Variants in PLEKHA8 observed in about 807,000 individuals in gnomAD.
PLEKHA8 encodes pleckstrin homology domain-containing family A member 8.
Under a neutral mutation model 68.2 loss-of-function variants are expected in PLEKHA8, and 36 were observed. The observed-to-expected ratio is 0.53, with a 90% CI of 0.40 to 0.70. The LOEUF is 0.70. Ranked by LOEUF, PLEKHA8 falls within the 30% of genes least tolerant of loss-of-function variation. PLEKHA8 has a pLI of 0.00. For synonymous variants in PLEKHA8, 211 were observed against 216.1 expected (o/e 0.98, Z 0.20); for missense variants, 505 against 615.4 (o/e 0.82, Z 1.90).
chr7:30,061,988 T>G lies in PLEKHA8; in HGVS notation c.1190T>G (p.Val397Gly), dbSNP rs1470450436. The change falls in exon 11 of 14, where the codon GTT (valine) becomes GGT (glycine). Residue 397 changes from valine to glycine, a missense_variant. Val to Gly is a moderately radical substitution (Grantham distance 109). Coordinates refer to ENST00000449726, the MANE Select transcript of PLEKHA8 (RefSeq NM_001197026.2). The stretch of plus-strand genomic sequence containing the variant: ...GAAGTGGAGGCGGATGTAGCCCAGG[T>G]TAGGAACTCAGCGACTGAAGCCCTC... ...LHEVEADVAQ[V>G]RNSATEALLW... is the part of the protein sequence containing the mutation. 6.2e-7 allele frequency: 1 copy of G among 1,613,838 alleles called. No individual in the cohort carries two copies. The highest frequency in any genetic ancestry group is 8.5e-7 in the Non-Finnish European group (1 of 1,179,916).
At chr7:30,053,971 G>A (rs1399695070) in intron 7 of PLEKHA8, among the ~76,000 whole-genome samples, 2 of 152,066 alleles carry the variant, frequency 1.3e-5, no homozygotes, top group East Asian at 3.9e-4. Flanking sequence ...TTGAACTCAC[G>A]GTGAACAGCA....
At chr7:30,075,357 C>G (rs1355628065) in intron 13 of PLEKHA8, among the ~76,000 whole-genome samples, 1 of 152,188 alleles carries the variant, frequency 6.6e-6, no homozygotes, top group African/African-American at 2.4e-5. Context: ...ATCATAATGG[C>G]TACCATGTAG....
chr7:30,104,803 A>G (rs1419710681), intron 13 of PLEKHA8, among the ~76,000 whole-genome samples: 2 of 148,726 alleles, frequency 1.3e-5, no homozygotes, highest in Non-Finnish European at 3.0e-5. Flanking sequence ...GCTCACTGCA[A>G]TCTCCACCTC....
intron 12 of PLEKHA8, among the ~76,000 whole-genome samples, chr7:30,069,185 C>T (rs745895709): frequency 3.4e-4 from 51 of 152,182 alleles, no homozygotes; most frequent in Non-Finnish European, 6.8e-4. Flanking sequence ...TTCCCCGGTG[C>T]CTATCTGTTT....
At chr7:30,124,918 A>G (rs771006066) in intron 13 of PLEKHA8, among the ~76,000 whole-genome samples, 234 of 152,042 alleles carry the variant, frequency 1.5e-3, no homozygotes, top group Non-Finnish European at 2.2e-3. Context: ...CTCCCAAAAA[A>G]ATTAGATCTT....
Position 30,052,818 on chromosome 7 carries a change from A to T in PLEKHA8, c.748A>T (p.Ile250Leu). 1 of 1,576,438 alleles carries T rather than the reference A, an allele frequency of 6.3e-7. No individual in the cohort carries two copies. Among genetic ancestry groups the T allele is most frequent in the Non-Finnish European group, 8.6e-7 (1 of 1,168,618 alleles). Residue 250 changes from isoleucine (I) to leucine (L), a missense_variant, in exon 7 of 14, where the codon ATA becomes TTA. Ile to Leu is a conservative substitution (Grantham distance 5, BLOSUM62 2). Coordinates refer to ENST00000449726, the MANE Select transcript of PLEKHA8 (RefSeq NM_001197026.2). ...KNSLYLKSAE[I>L]DCSISSEENT... Reference sequence around the variant, plus strand: ...TTCCTTATATTTGAAATCTGCAGAGATAGACTGCAGCATATCAAGTGAGGA... The same window carrying T: ...TTCCTTATATTTGAAATCTGCAGAGTTAGACTGCAGCATATCAAGTGAGGA...
chr7:30,064,644 A>T (rs1333583311), intron 12 of PLEKHA8, among the ~76,000 whole-genome samples: 1 of 152,208 alleles, frequency 6.6e-6, no homozygotes, highest in African/African-American at 2.4e-5. Flanking sequence ...CATAATCATG[A>T]TATATGAAGT....
chr7:30,052,662 A>C, intron 6 of PLEKHA8, 47 bp from the exon 7 acceptor site: 2 of 1,410,368 alleles, frequency 1.4e-6, no homozygotes, highest in Non-Finnish European at 1.9e-6. Flanking sequence ...AAAAAAAAAG[A>C]CCAAATAACG....
At chr7:30,094,043 T>A (rs1027753618), downstream of PLEKHA8, among the ~76,000 whole-genome samples, 4 of 152,168 alleles carry the variant, frequency 2.6e-5, no homozygotes, top group African/African-American at 9.7e-5. Context: ...CTAGTTAAGT[T>A]ATGATGGAAT....
chr7:30,125,019 G>A (rs1409481709), intron 13 of PLEKHA8, among the ~76,000 whole-genome samples: 1 of 151,286 alleles, frequency 6.6e-6, no homozygotes, highest in Non-Finnish European at 1.5e-5. Context: ...TAAAATACAT[G>A]GAACATAAAA....
At chr7:30,086,981 C>T (rs1219885456), downstream of PLEKHA8, among the ~76,000 whole-genome samples, 1 of 152,210 alleles carries the variant, frequency 6.6e-6, no homozygotes, top group Non-Finnish European at 1.5e-5. Context: ...GATGGTCTGA[C>T]ATCAGCACTG....
rs747998325 is a variant in PLEKHA8, at chr7:30,080,801, G to T, written c.*2014G>T. 7 of 985,234 alleles carry T rather than the reference G, an allele frequency of 7.1e-6. No individual in the cohort carries two copies. The highest frequency in any genetic ancestry group is 8.4e-6 in the Non-Finnish European group (7 of 829,874). 61.0% of individuals were successfully genotyped at this position (985,234 alleles called of 1,614,324 possible). The stretch of plus-strand genomic sequence containing the variant: ...TAGTATGAATATGATGGCAGGACTC[G>T]GGGATAGTCCCTGCCCTTGACATAG... On this transcript the variant is annotated 3_prime_UTR_variant, in exon 14 of 14. Coordinates refer to ENST00000449726, the MANE Select transcript of PLEKHA8 (RefSeq NM_001197026.2).
At chr7:30,034,305 G>A (rs1200868459) in intron 1 of PLEKHA8, among the ~76,000 whole-genome samples, 1 of 151,852 alleles carries the variant, frequency 6.6e-6, no homozygotes, top group African/African-American at 2.4e-5. Flanking sequence ...CACTGTGCCC[G>A]GCCAAGAGTT....
intron 4 of PLEKHA8, among the ~76,000 whole-genome samples, chr7:30,048,340 C>G (rs1488598624): frequency 6.6e-6 from 1 of 152,138 alleles, no homozygotes; most frequent in African/African-American, 2.4e-5. Flanking sequence ...TACAGTCTTG[C>G]AGAGCCATTT....
intron 9 of PLEKHA8, among the ~76,000 whole-genome samples, chr7:30,059,998 G>A (rs975149596): frequency 1.3e-5 from 2 of 150,846 alleles, no homozygotes; most frequent in Non-Finnish European, 2.9e-5. Context: ...CTTGGCCAAC[G>A]TGATGGCACA....
In PLEKHA8 at chr7:30,078,655, C is replaced by A. The variant is rs1794760963; in HGVS notation, c.1428C>A (p.Asp476Glu). Reference protein sequence around the residue: ...FVAALTVKEGDHQKEAFSIGM... With the variant: ...FVAALTVKEGEHQKEAFSIGM... ...CCGCGTTAACCGTAAAGGAAGGTGA[C>A]CACCAGAAAGAAGCTTTCAGTATTG... The change falls in exon 14 of 14, where the codon GAC becomes GAA. Residue 476 changes from aspartate to glutamate, a missense_variant. Asp to Glu is a conservative substitution (Grantham distance 45). Coordinates refer to ENST00000449726, the MANE Select transcript of PLEKHA8 (RefSeq NM_001197026.2). 1 of 1,613,764 alleles carries A rather than the reference C, an allele frequency of 6.2e-7. No homozygotes were observed. The highest frequency in any genetic ancestry group is 8.5e-7 in the Non-Finnish European group (1 of 1,179,862).
intron 13 of PLEKHA8, among the ~76,000 whole-genome samples, chr7:30,122,342 C>T (rs1796709454): frequency 6.6e-6 from 1 of 152,102 alleles, no homozygotes; most frequent in Non-Finnish European, 1.5e-5. Flanking sequence ...CTTTTTTCCC[C>T]CACTTTCTTA....
chr7:30,039,013 G>A (rs182080151), intron 1 of PLEKHA8, among the ~76,000 whole-genome samples: 5 of 79,310 alleles, frequency 6.3e-5, no homozygotes, highest in Non-Finnish European at 1.0e-4. Flanking sequence ...CATTGAAAAC[G>A]TGTTGTTCAA....
intron 13 of PLEKHA8, chr7:30,116,073 TGTATACATACGCATACATAC>T (rs1279862703): frequency 2.1e-4 from 22 of 105,558 alleles, no homozygotes; most frequent in East Asian, 1.4e-3. Flanking sequence ...TACGTATACA[TGTATACATACGCATACATAC>T]GTATACATAC....
Sources: gnomAD v4.1 joint callset for allele counts (sites outside exome capture counted in the v4.1 genomes callset) on GRCh38, gnomAD v4.1.1 for gene constraint, MANE v1.5 for transcripts, NCBI Gene and HGNC (gene_info 2026-07-23, HGNC 2026-07-21) for gene names.